The following SKAP1 variants were observed in gnomAD, a reference collection of about 807,000 sequenced individuals.
SKAP1 encodes src kinase-associated phosphoprotein 1.
In SKAP1, 44 loss-of-function variants were observed where a neutral mutation model predicts 58.5. That is an observed-to-expected ratio of 0.75 (90% CI 0.59 to 0.97). The LOEUF (loss-of-function observed/expected upper bound fraction) is 0.97. Ranked by LOEUF, SKAP1 falls within the 50% of genes least tolerant of loss-of-function variation. SKAP1 has a pLI of 0.00. For synonymous variants in SKAP1, 127 were observed against 149.7 expected, an observed-to-expected ratio of 0.85 and a Z score of 1.11; for missense variants, 390 against 435.2, an observed-to-expected ratio of 0.90 and a Z score of 0.92.
chr17:48,379,521 T>C (rs1161318936), intron 2 of SKAP1, among the ~76,000 whole-genome samples: 1 of 152,212 alleles, frequency 6.6e-6, no homozygotes, highest in African/African-American at 2.4e-5. Flanking sequence ...CACTTTCTTC[T>C]ATTTAAGAAC....
chr17:48,375,151 C>T (rs535175383), intron 2 of SKAP1, among the ~76,000 whole-genome samples: 16 of 152,072 alleles, frequency 1.1e-4, no homozygotes, highest in Non-Finnish European at 2.2e-4. Context: ...AAGAAGGTCC[C>T]GGGTTCTTTT....
chr17:48,278,249 G>T (rs1485448894), intron 4 of SKAP1, among the ~76,000 whole-genome samples: 1 of 152,028 alleles, frequency 6.6e-6, no homozygotes, highest in Non-Finnish European at 1.5e-5. Context: ...GGCAGAGAAC[G>T]GACTCTCTTC....
At chr17:48,194,056 T>C (rs760277308) in intron 4 of SKAP1, among the ~76,000 whole-genome samples, 45 of 152,188 alleles carry the variant, frequency 3.0e-4, no homozygotes, top group Admixed American at 8.5e-4. Context: ...TATTACATTA[T>C]ATCAGCACAA....
intron 4 of SKAP1, among the ~76,000 whole-genome samples, chr17:48,191,050 T>C (rs956602850): frequency 2.6e-5 from 4 of 152,176 alleles, no homozygotes; most frequent in Admixed American, 2.0e-4. Flanking sequence ...TCACAAATAA[T>C]ACCCTGAAAC....
At chr17:48,436,532 C>G in the SKAP1 span, among the ~76,000 whole-genome samples, 1 of 152,146 alleles carries the variant, frequency 6.6e-6, no homozygotes, top group African/African-American at 2.4e-5. Context: ...CCTCTCATCC[C>G]TCCACTAGAA....
rs1391544198 is a variant in SKAP1, at chr17:48,255,975, T to C, written c.281-66475A>G. On this transcript the variant is annotated intron_variant, in intron 4 of 12. Transcript: ENST00000336915. ...TCTCTGCTTAACACTCTGGCTATCA[T>C]TGGTTTCTCCTTCTTCAGTTTAGCA... is the stretch of plus-strand genomic sequence containing the variant. 2.0e-5 allele frequency among the ~76,000 whole-genome samples: 3 copies of C among 152,156 alleles called. No individual in the cohort carries two copies. In the East Asian group the frequency reaches 5.8e-4, roughly 29 times the overall value.
At chr17:48,264,053 CTT>C (rs35674731) in intron 4 of SKAP1, among the ~76,000 whole-genome samples, 3 of 144,760 alleles carry the variant, frequency 2.1e-5, no homozygotes, top group East Asian at 4.0e-4. Context: ...GAGACATCAG[CTT>C]TTTTTTTTTT....
chr17:48,309,373 T>A (rs535324731), intron 4 of SKAP1, among the ~76,000 whole-genome samples: 1 of 152,180 alleles, frequency 6.6e-6, no homozygotes, highest in Non-Finnish European at 1.5e-5. Context: ...CCCCTGCTTC[T>A]AACATAAATA....
intron 4 of SKAP1, among the ~76,000 whole-genome samples, chr17:48,340,258 T>C (rs2066633324): frequency 6.6e-6 from 1 of 152,064 alleles, no homozygotes; most frequent in South Asian, 2.1e-4. Context: ...ACTTAATAAG[T>C]GGAAGTTCTA....
chr17:48,199,902 A>C (rs1445730097), intron 4 of SKAP1, among the ~76,000 whole-genome samples: 1 of 152,138 alleles, frequency 6.6e-6, no homozygotes, highest in East Asian at 1.9e-4. Flanking sequence ...ACGAAGTTGC[A>C]TATTAGATTC....
chr17:48,371,195 G>A (rs760588909), intron 2 of SKAP1, among the ~76,000 whole-genome samples: 1 of 152,174 alleles, frequency 6.6e-6, no homozygotes, highest in Non-Finnish European at 1.5e-5. Flanking sequence ...CTATTTGGGT[G>A]ATGGGATCAT....
intron 4 of SKAP1, among the ~76,000 whole-genome samples, chr17:48,259,497 T>C (rs2065463323): frequency 6.6e-6 from 1 of 152,156 alleles, no homozygotes; most frequent in African/African-American, 2.4e-5. Flanking sequence ...AGGTAACAGC[T>C]TTCCATAGCG....
At chr17:48,353,960 G>GA (rs1367748797) in intron 3 of SKAP1, among the ~76,000 whole-genome samples, 6 of 150,946 alleles carry the variant, frequency 4.0e-5, no homozygotes, top group African/African-American at 1.2e-4. Flanking sequence ...AGAAGAAGAA[G>GA]AGGAAGAAAA....
intron 9 of SKAP1, among the ~76,000 whole-genome samples, chr17:48,178,079 C>T (rs902179924): frequency 6.6e-6 from 1 of 152,088 alleles, no homozygotes; most frequent in Non-Finnish European, 1.5e-5. Context: ...GGCGGTGCTG[C>T]ATTGGCCAAG....
intron 3 of SKAP1, among the ~76,000 whole-genome samples, chr17:48,360,731 G>C (rs1000272708): frequency 1.3e-5 from 2 of 151,884 alleles, no homozygotes; most frequent in African/African-American, 4.8e-5. Flanking sequence ...TATTTTCCCT[G>C]TTTCCTTTTT....
At chr17:48,185,393 C>T (rs1248129496) in intron 6 of SKAP1, among the ~76,000 whole-genome samples, 1 of 152,126 alleles carries the variant, frequency 6.6e-6, no homozygotes, top group African/African-American at 2.4e-5. Flanking sequence ...ATTTTATCCT[C>T]CTTGTAAGAG....
intron 2 of SKAP1, among the ~76,000 whole-genome samples, chr17:48,383,108 G>A: frequency 6.6e-6 from 1 of 152,154 alleles, no homozygotes; most frequent in East Asian, 1.9e-4. Flanking sequence ...ATACATATTT[G>A]TTAAGTAAAT....
intron 11 of SKAP1, among the ~76,000 whole-genome samples, chr17:48,159,984 G>A (rs1196799108): frequency 6.6e-6 from 1 of 152,120 alleles, no homozygotes; most frequent in Non-Finnish European, 1.5e-5. Context: ...AGCTTTTTGG[G>A]AAAGAAATAT....
At chr17:48,259,908 T>C (rs1382710566) in intron 4 of SKAP1, among the ~76,000 whole-genome samples, 5 of 152,190 alleles carry the variant, frequency 3.3e-5, no homozygotes, top group African/African-American at 1.2e-4. Context: ...GAGACATTTC[T>C]GGATGGCCCT....
Sources: gnomAD v4.1 joint callset for allele counts (sites outside exome capture counted in the v4.1 genomes callset) on GRCh38, gnomAD v4.1.1 for gene constraint, MANE v1.5 for transcripts, NCBI Gene and HGNC (gene_info 2026-07-23, HGNC 2026-07-21) for gene names.